DOCK7: variants seen among roughly 807,000 people sequenced by gnomAD.
DOCK7 encodes the protein dedicator of cytokinesis protein 7.
A neutral mutation model predicts 271.0 loss-of-function variants in DOCK7; 138 were observed. The observed-to-expected ratio is 0.51, with a 90% CI of 0.44 to 0.59. The LOEUF (loss-of-function observed/expected upper bound fraction) is 0.59. DOCK7 is among the 20% of genes least tolerant of loss of function. The probability of loss-of-function intolerance (pLI) is 0.00; values close to 1 mark genes in which losing one functional copy is unlikely to be tolerated. For synonymous variants in DOCK7, 823 were observed against 876.1 expected (o/e 0.94, Z 1.07); for missense variants, 2,066 against 2,592.4 (o/e 0.80, Z 4.41).
chr1:62,455,571 T>C, intron 49 of DOCK7, 115 bp from the exon 50 acceptor site: 1 of 946,046 alleles, frequency 1.1e-6, no homozygotes, highest in Non-Finnish European at 1.7e-6. Flanking sequence ...CACCATTTCT[T>C]ACTAACTTCC....
In DOCK7 at chr1:62,619,937, C is replaced by T; in HGVS notation, c.1482G>A (p.Arg494=). Residue 494 remains arginine (R), a synonymous_variant, in exon 13 of 50, where the codon AGG becomes AGA. Transcript: ENST00000635253. Reference sequence around the variant, plus strand: ...TTAGTCGCCGTAAGACAGAAGATGGCCTTCTCATATCAGCAAGGAATTTGT... The same window carrying T: ...TTAGTCGCCGTAAGACAGAAGATGGTCTTCTCATATCAGCAAGGAATTTGT... ...DLYKFLADMR[R]PSSVLRRLRP... The T allele has an allele frequency of 1.2e-6, 2 of 1,613,524 alleles. No individual in the cohort carries two copies. The highest frequency in any genetic ancestry group is 2.7e-5 in the African/African-American group (2 of 74,960).
intron 19 of DOCK7, 64 bp downstream of exon 19, chr1:62,561,553 A>G (rs1646322399): frequency 2.1e-6 from 2 of 968,162 alleles, no homozygotes; most frequent in Non-Finnish European, 2.9e-6. Flanking sequence ...TGACATCACA[A>G]GTATTAGATA....
intron 14 of DOCK7, chr1:62,601,771 A>T: frequency 6.2e-7 from 1 of 1,600,266 alleles, no homozygotes; most frequent in Non-Finnish European, 8.6e-7. Flanking sequence ...GATTCTAGGC[A>T]TTCCTGCTGA....
In DOCK7 at chr1:62,553,032, CTTTTTTTTT is replaced by C. The variant is rs66892340; in HGVS notation, c.2597-140_2597-132del. 3.0e-5 allele frequency: 5 copies of C among 168,378 alleles called. No homozygotes were observed. The South Asian group carries it at 9.8e-4, about 33-fold the overall frequency. 10.4% of individuals were successfully genotyped at this position (168,378 alleles called of 1,614,324 possible). On this transcript the variant is annotated intron_variant, in intron 21 of 49. Transcript: ENST00000635253. ...CTTTGGTTTCTAAATAAAAAATATA[CTTTTTTTTT>C]TTTTTTTTTTTTGAGACAGAGTCTC...
At chr1:62,502,251 C>T (rs1442292912) in intron 37 of DOCK7, among the ~76,000 whole-genome samples, 3 of 152,110 alleles carry the variant, frequency 2.0e-5, no homozygotes, top group Non-Finnish European at 2.9e-5. Context: ...CCAAGTCACA[C>T]ACGAATGCAC....
intron 21 of DOCK7, among the ~76,000 whole-genome samples, chr1:62,553,354 ATTTTTTTTTTTTTTT>A (rs1159680880): frequency 0.049 from 831 of 16,876 alleles, 6 homozygotes; most frequent in East Asian, 0.075. Context: ...ATATATATAT[ATTTTTTTTTTTTTTT>A]TTTTTTTTTT....
In DOCK7 at chr1:62,586,642, T is replaced by A. The variant is rs558963888; in HGVS notation, c.1683-18A>T. ...GAAGATTTCTGTGAAAGCAACAGTA[T>A]AGATGATAGTAAATACATATCTAAG... On this transcript the variant is annotated intron_variant, in intron 14 of 49. Coordinates refer to ENST00000635253, the MANE Select transcript of DOCK7 (RefSeq NM_001367561.1). 6.9e-7 allele frequency: 1 copy of A among 1,452,840 alleles called. No homozygotes were observed. The highest frequency in any genetic ancestry group is 1.4e-5 in the African/African-American group (1 of 71,016). The allele number at this position is 1,452,840 out of a possible 1,614,324, so 90.0% of individuals were successfully genotyped here.
In DOCK7 at chr1:62,455,424, A is replaced by G; in HGVS notation, c.6413T>C (p.Met2138Thr). The change falls in exon 50 of 50, where the codon ATG becomes ACG. Residue 2138 changes from methionine to threonine, a missense_variant. By Grantham distance (81) the Met-to-Thr change is moderately conservative. This residue lies in a region of DOCK7 where 652 missense variants were observed against 922.1 expected (regional missense o/e 0.71). Coordinates refer to ENST00000635253, the MANE Select transcript of DOCK7 (RefSeq NM_001367561.1). Reference sequence around the variant, plus strand: ...ACAAGTGCATTCAGTTTAGAGATCCATTTTGCGAAGGCTCATTCGACTGAA... The same window carrying G: ...ACAAGTGCATTCAGTTTAGAGATCCGTTTTGCGAAGGCTCATTCGACTGAA... ...DSFSRMSLRK[M>T]DL The G allele has an allele frequency of 6.2e-7, 1 of 1,613,720 alleles. No homozygotes were observed. Among genetic ancestry groups the G allele is most frequent in the Non-Finnish European group, 8.5e-7 (1 of 1,179,826 alleles).
chr1:62,627,204 T>C (rs1351339578), intron 11 of DOCK7, among the ~76,000 whole-genome samples: 2 of 152,124 alleles, frequency 1.3e-5, no homozygotes, highest in African/African-American at 4.8e-5. Context: ...AAAAACACTT[T>C]TAAAAATTAG....
rs1234768036 is a variant in DOCK7 at position 62,688,227 on chromosome 1, C to T, written c.38G>A (p.Arg13Lys). Reference protein sequence around the residue: ...ERRAFAQKISRTVAAEVRKQI... With the variant: ...ERRAFAQKISKTVAAEVRKQI... Reference sequence around the variant, plus strand: ...GGCGCGCCCCACGCCGGATATTTACCTGCTGATCTTCTGGGCGAAGGCGCG... The same window carrying T: ...GGCGCGCCCCACGCCGGATATTTACTTGCTGATCTTCTGGGCGAAGGCGCG... Residue 13 changes from arginine to lysine, a missense_variant and splice_region_variant, in exon 1 of 50, where the codon AGA (arginine) becomes AAA (lysine). Physicochemically the swap from Arg to Lys is conservative, Grantham distance 26. Transcript: ENST00000635253. 4 of 1,378,924 alleles carry T rather than the reference C, an allele frequency of 2.9e-6. No homozygotes were observed. Among genetic ancestry groups the T allele is most frequent in the Middle Eastern group, 2.0e-4 (1 of 4,982 alleles). 85.4% of individuals were successfully genotyped at this position (1,378,924 alleles called of 1,614,324 possible).
chr1:62,680,540 G>T (rs1433504171), intron 1 of DOCK7, among the ~76,000 whole-genome samples: 1 of 151,686 alleles, frequency 6.6e-6, no homozygotes, highest in Non-Finnish European at 1.5e-5. Context: ...TGACAAATGG[G>T]ATCTAATTAA....
At chr1:62,554,251 C>T (rs59805787) in intron 21 of DOCK7, among the ~76,000 whole-genome samples, 1 of 151,768 alleles carries the variant, frequency 6.6e-6, no homozygotes, top group African/African-American at 2.4e-5. Flanking sequence ...GGCAGGCGGA[C>T]CACGAGTTCA....
At chr1:62,508,624 T>C (rs890231990) in intron 34 of DOCK7, among the ~76,000 whole-genome samples, 2 of 152,176 alleles carry the variant, frequency 1.3e-5, no homozygotes, top group African/African-American at 4.8e-5. Flanking sequence ...AGGTGACGAA[T>C]ATGCTAGTTA....
At chr1:62,547,128 A>C (rs1245661449) in intron 22 of DOCK7, among the ~76,000 whole-genome samples, 4 of 152,164 alleles carry the variant, frequency 2.6e-5, no homozygotes, top group African/African-American at 9.6e-5. Flanking sequence ...GAGAATAAAA[A>C]AATCTCTTTG....
intron 31 of DOCK7, among the ~76,000 whole-genome samples, chr1:62,514,774 AC>A (rs1485468862): frequency 6.6e-6 from 1 of 152,152 alleles, no homozygotes; most frequent in African/African-American, 2.4e-5. Flanking sequence ...TTATTAGTTT[AC>A]AGGCAAGAAA....
At chr1:62,512,933 T>C (rs930749540) in intron 33 of DOCK7, among the ~76,000 whole-genome samples, 1 of 150,374 alleles carries the variant, frequency 6.7e-6, no homozygotes, top group Non-Finnish European at 1.5e-5. Context: ...AAAGTAAAAA[T>C]AGATGTTATA....
intron 27 of DOCK7, among the ~76,000 whole-genome samples, chr1:62,539,060 T>C (rs1645440509): frequency 6.6e-6 from 1 of 152,218 alleles, no homozygotes; most frequent in African/African-American, 2.4e-5. Flanking sequence ...CAGGATGCTT[T>C]TAATTTCGTA....
intron 41 of DOCK7, among the ~76,000 whole-genome samples, chr1:62,491,382 GAA>G: frequency 6.6e-6 from 1 of 152,354 alleles, no homozygotes; most frequent in Non-Finnish European, 1.5e-5. Flanking sequence ...ACATTTAGCA[GAA>G]AAGTCAGAGG....
chr1:62,580,655 T>C (rs1487270442), intron 16 of DOCK7, among the ~76,000 whole-genome samples: 1 of 152,116 alleles, frequency 6.6e-6, no homozygotes, highest in Admixed American at 6.6e-5. Context: ...ATTACTTTTG[T>C]GGTGGTTTTA....
Sources: allele counts gnomAD v4.1 joint callset (sites outside exome capture counted in the v4.1 genomes callset), GRCh38; gene constraint gnomAD v4.1.1; regional missense constraint gnomAD v4.1.1; transcripts MANE v1.5; gene names NCBI Gene and HGNC (gene_info 2026-07-23, HGNC 2026-07-21).